RANBP2: variants seen among roughly 807,000 people sequenced by gnomAD.
RANBP2 encodes RAN binding protein 2.
Under a neutral mutation model 303.6 loss-of-function variants are expected in RANBP2, and 57 were observed. The observed-to-expected ratio is 0.19, with a 90% confidence interval of 0.15 to 0.23. RANBP2 has a LOEUF of 0.23. Among genes scored for constraint, RANBP2 ranks in the 10% least tolerant of loss-of-function variants. The probability of loss-of-function intolerance (pLI) is 1.00; values close to 1 mark genes in which losing one functional copy is unlikely to be tolerated. For synonymous variants in RANBP2, 1,167 were observed against 1,301.5 expected (o/e 0.90, Z 2.23); for missense variants, 3,138 against 3,780.8 (o/e 0.83, Z 4.46).
the RANBP2 span, among the ~76,000 whole-genome samples, chr2:109,249,615 CTCTT>C: frequency 6.1e-4 from 85 of 139,024 alleles, 1 homozygote; most frequent in African/African-American, 2.3e-3. Flanking sequence ...TTCTTTCTTT[CTCTT>C]TCTTTCTCTC....
the RANBP2 span, among the ~76,000 whole-genome samples, chr2:109,374,738 C>T: frequency 1.3e-5 from 2 of 152,212 alleles, no homozygotes; most frequent in African/African-American, 2.4e-5. Flanking sequence ...CCTCCACAGC[C>T]GCTCCAGCCG....
chr2:109,390,293 G>A, the RANBP2 span, among the ~76,000 whole-genome samples: 2 of 152,144 alleles, frequency 1.3e-5, no homozygotes, highest in African/African-American at 2.4e-5. Context: ...AATTATCACA[G>A]GGTCCTTATC....
intron 7 of RANBP2, among the ~76,000 whole-genome samples, chr2:108,746,294 C>T (rs547904140): frequency 6.7e-6 from 1 of 148,876 alleles, no homozygotes; most frequent in Non-Finnish European, 1.5e-5. Context: ...CCCACTACAA[C>T]CTCTGCCTCC....
the RANBP2 span, among the ~76,000 whole-genome samples, chr2:109,374,517 G>A: frequency 6.6e-6 from 1 of 152,164 alleles, no homozygotes; most frequent in South Asian, 2.1e-4. Context: ...TTTGAGGTGG[G>A]AACTTGGGTG....
the RANBP2 span, among the ~76,000 whole-genome samples, chr2:109,013,420 A>G: frequency 6.6e-6 from 1 of 152,216 alleles, no homozygotes; most frequent in Non-Finnish European, 1.5e-5. Flanking sequence ...TCTGACCACT[A>G]TGAGAGTTTG....
chr2:109,235,697 T>A, the RANBP2 span, among the ~76,000 whole-genome samples: 20 of 152,296 alleles, frequency 1.3e-4, no homozygotes, highest in Middle Eastern at 3.4e-3. Context: ...ACATAAAGAT[T>A]GAAGGTGTGC....
chr2:108,997,987 G>A, the RANBP2 span, among the ~76,000 whole-genome samples: 1 of 152,190 alleles, frequency 6.6e-6, no homozygotes, highest in Non-Finnish European at 1.5e-5. Flanking sequence ...GCAAGTATCA[G>A]TGTGCATCTC....
chr2:109,656,144 T>A, the RANBP2 span, among the ~76,000 whole-genome samples: 1 of 152,146 alleles, frequency 6.6e-6, no homozygotes, highest in East Asian at 1.9e-4. Context: ...ATCTGCAGTA[T>A]CTTTGCTACT....
At chr2:109,676,299 C>T in the RANBP2 span, among the ~76,000 whole-genome samples, 8 of 152,214 alleles carry the variant, frequency 5.3e-5, no homozygotes, top group South Asian at 2.1e-4. Flanking sequence ...TAAAGGGCAG[C>T]CTTTCCCAGT....
At chr2:108,999,751 A>T in the RANBP2 span, among the ~76,000 whole-genome samples, 1 of 151,972 alleles carries the variant, frequency 6.6e-6, no homozygotes, top group African/African-American at 2.4e-5. Flanking sequence ...GTAGTTTTTT[A>T]AAAAATTACG....
the RANBP2 span, among the ~76,000 whole-genome samples, chr2:108,939,047 G>C: frequency 1.3e-5 from 2 of 151,744 alleles, no homozygotes; most frequent in African/African-American, 2.4e-5. Flanking sequence ...CAAAGTGCTG[G>C]GATTACAGGC....
the RANBP2 span, chr2:108,813,009 G>T: frequency 3.5e-6 from 4 of 1,151,518 alleles, no homozygotes; most frequent in Non-Finnish European, 5.1e-6. Context: ...CAGCACTTTG[G>T]GAGGCTGAGA....
chr2:109,184,735 C>T, the RANBP2 span, among the ~76,000 whole-genome samples: 1 of 152,182 alleles, frequency 6.6e-6, no homozygotes, highest in Admixed American at 6.5e-5. Flanking sequence ...AATGTGCAGC[C>T]TCCTATTCTG....
the RANBP2 span, among the ~76,000 whole-genome samples, chr2:109,199,927 C>T: frequency 1.9e-5 from 2 of 106,314 alleles, no homozygotes; most frequent in Non-Finnish European, 2.1e-5. Flanking sequence ...CTATAGCACC[C>T]GCTGTACAGC....
At chr2:109,715,299 GA>G in the RANBP2 span, among the ~76,000 whole-genome samples, 2 of 152,006 alleles carry the variant, frequency 1.3e-5, no homozygotes, top group Admixed American at 6.6e-5. Context: ...GTAGAGACTG[GA>G]TTTCATCATG....
chr2:109,171,043 T>C, the RANBP2 span, among the ~76,000 whole-genome samples: 1 of 151,956 alleles, frequency 6.6e-6, no homozygotes, highest in Non-Finnish European at 1.5e-5. Context: ...GCTGGGGGAG[T>C]CTGTGTCCTG....
chr2:108,736,169 C>T lies in RANBP2; in HGVS notation c.702C>T (p.Asp234=). ...DKSDWRATNT[D]LLLAYANLML... ...GTGACTGGCGAGCAACCAATACAGA[C>T]TTACTGCTGGCCTATGCTAATCTTA... Residue 234 remains aspartate (D), a synonymous_variant, in exon 6 of 29, where the codon GAC becomes GAT. Transcript: ENST00000283195. 1.2e-6 allele frequency: 2 copies of T among 1,611,954 alleles called. No homozygotes were observed. Among genetic ancestry groups the T allele is most frequent in the Non-Finnish European group, 1.7e-6 (2 of 1,179,838 alleles).
the RANBP2 span, among the ~76,000 whole-genome samples, chr2:109,115,407 T>A: frequency 2.0e-5 from 3 of 152,232 alleles, no homozygotes; most frequent in African/African-American, 7.2e-5. Flanking sequence ...TCTCTTTTGA[T>A]CTTTGTTGGT....
the RANBP2 span, among the ~76,000 whole-genome samples, chr2:109,441,092 C>G: frequency 6.9e-6 from 1 of 143,902 alleles, no homozygotes; most frequent in African/African-American, 2.7e-5. Flanking sequence ...ATTAATTTAT[C>G]TTTGTCCCAG....
Sources: gnomAD v4.1 joint callset for allele counts (sites outside exome capture counted in the v4.1 genomes callset) on GRCh38, gnomAD v4.1.1 for gene constraint, MANE v1.5 for transcripts, NCBI Gene and HGNC (gene_info 2026-07-23, HGNC 2026-07-21) for gene names.